Variants in SPTLC2 observed in about 807,000 individuals in gnomAD.
SPTLC2 encodes serine palmitoyltransferase long chain base subunit 2.
Under a neutral mutation model 62.0 loss-of-function variants are expected in SPTLC2, and 21 were observed. That is an observed-to-expected ratio of 0.34 (90% confidence interval 0.24 to 0.49). The LOEUF is 0.49. SPTLC2 is among the 20% of genes least tolerant of loss of function. The pLI is 0.99. For missense variants in SPTLC2, 511 were observed against 713.0 expected, an observed-to-expected ratio of 0.72 and a Z score of 3.23; for synonymous variants, 261 against 261.8, an observed-to-expected ratio of 1.00 and a Z score of 0.03.
chr14:77,582,038 C>CT (rs747555398), intron 2 of SPTLC2, among the ~76,000 whole-genome samples: 2 of 145,850 alleles, frequency 1.4e-5, no homozygotes, highest in Non-Finnish European at 3.0e-5. Flanking sequence ...TATCTCATTT[C>CT]TTTTTTTTAA....
intron 1 of SPTLC2, among the ~76,000 whole-genome samples, chr14:77,613,343 C>T (rs540985758): frequency 1.3e-5 from 2 of 152,328 alleles, no homozygotes; most frequent in African/African-American, 4.8e-5. Flanking sequence ...AAGTTTCCCT[C>T]GGGCAAATTG....
intron 4 of SPTLC2, among the ~76,000 whole-genome samples, chr14:77,570,929 T>G (rs1594996864): frequency 6.6e-6 from 1 of 151,762 alleles, no homozygotes; most frequent in African/African-American, 2.4e-5. Context: ...GATAAGAGAC[T>G]ATGGAAGGAG....
chr14:77,593,411 A>G (rs759691587), intron 2 of SPTLC2, among the ~76,000 whole-genome samples: 6 of 152,112 alleles, frequency 3.9e-5, no homozygotes, highest in Non-Finnish European at 5.9e-5. Context: ...GAACATCTTT[A>G]TTAATTCAAG....
intron 2 of SPTLC2, among the ~76,000 whole-genome samples, chr14:77,594,300 T>G (rs1039952358): frequency 1.3e-5 from 2 of 152,242 alleles, no homozygotes; most frequent in African/African-American, 4.8e-5. Flanking sequence ...ACACAAAGGA[T>G]ACACAGGCAG....
At chr14:77,590,427 T>C (rs958210266) in intron 2 of SPTLC2, among the ~76,000 whole-genome samples, 2 of 152,194 alleles carry the variant, frequency 1.3e-5, no homozygotes, top group African/African-American at 4.8e-5. Flanking sequence ...CAAAGTTTGC[T>C]AGTCCAGGCT....
chr14:77,508,759 T>A lies in SPTLC2; in HGVS notation c.*3525A>T, dbSNP rs1433861335. ...GTAATGAAGAAATTTGAAAAAAAATTTTTTTTAAAAGCCAAAGGAGCTAGC... is the reference window on the plus strand; with the variant it reads ...GTAATGAAGAAATTTGAAAAAAAATATTTTTTAAAAGCCAAAGGAGCTAGC... On this transcript the variant is annotated 3_prime_UTR_variant, in exon 12 of 12. Transcript: ENST00000216484. 2.0e-5 allele frequency: 3 copies of A among 152,066 alleles called. No individual in the cohort carries two copies. The highest frequency in any genetic ancestry group is 7.2e-5 in the African/African-American group (3 of 41,400). 9.4% of individuals were successfully genotyped at this position (152,066 alleles called of 1,614,324 possible).
intron 2 of SPTLC2, among the ~76,000 whole-genome samples, chr14:77,594,944 AG>A (rs1324649479): frequency 6.6e-6 from 1 of 152,226 alleles, no homozygotes; most frequent in African/African-American, 2.4e-5. Flanking sequence ...CCTGTGAACA[AG>A]TAACTACAAT....
At chr14:77,542,641 G>T (rs2079507480) in intron 9 of SPTLC2, among the ~76,000 whole-genome samples, 1 of 152,174 alleles carries the variant, frequency 6.6e-6, no homozygotes, top group Non-Finnish European at 1.5e-5. Context: ...GAACATCAAA[G>T]CAGACAGATC....
At chr14:77,578,912 C>A in intron 3 of SPTLC2, 43 bp downstream of exon 3, 1 of 1,606,538 alleles carries the variant, frequency 6.2e-7, no homozygotes, top group South Asian at 1.1e-5. Flanking sequence ...ATGAAGAAAC[C>A]CTTTTGTAAT....
intron 9 of SPTLC2, among the ~76,000 whole-genome samples, chr14:77,536,987 A>G (rs2079474594): frequency 6.6e-6 from 1 of 150,574 alleles, no homozygotes; most frequent in Non-Finnish European, 1.5e-5. Flanking sequence ...CAATGGTGCA[A>G]TCTTGGCTTA....
chr14:77,576,899 T>C lies in SPTLC2; in HGVS notation c.499A>G (p.Ile167Val), dbSNP rs767761435. 1.9e-6 allele frequency: 3 copies of C among 1,614,158 alleles called. No individual in the cohort carries two copies. Among genetic ancestry groups the C allele is most frequent in the Admixed American group, 1.7e-5 (1 of 60,012 alleles). Residue 167 changes from isoleucine to valine, a missense_variant, in exon 4 of 12, where the codon ATA becomes GTA. Ile to Val is a conservative substitution (Grantham distance 29, BLOSUM62 3). Transcript: ENST00000216484. ...NWSFKYTGNI[I>V]KGVINMGSYN... is the part of the protein sequence containing the mutation. ...GAACCCATGTTTATAACACCCTTTA[T>C]TATATTCCCTGTATACCTGTGCATC...
At chr14:77,552,557 G>A (rs112927563) in intron 8 of SPTLC2, among the ~76,000 whole-genome samples, 120 of 152,240 alleles carry the variant, frequency 7.9e-4, no homozygotes, top group Middle Eastern at 6.8e-3. Context: ...TGTAATCCCA[G>A]CAGTTTGGGA....
In SPTLC2 at chr14:77,507,609, G is replaced by GCC. The variant is rs77865245; in HGVS notation, c.*4674_*4675insGG. ...AGCCTCCCAAAGTGTTGGGATTACA[G>GCC]GTGAGCCACTGCGCCCAGCCATGGG... On this transcript the variant is annotated 3_prime_UTR_variant, in exon 12 of 12. Transcript: ENST00000216484. The GCC allele has an allele frequency of 2.5e-5, 1 of 40,308 alleles. No individual in the cohort carries two copies. Among genetic ancestry groups the GCC allele is most frequent in the Admixed American group, 3.9e-4 (1 of 2,560 alleles). The allele number at this position is 40,308 out of a possible 1,614,324, so 2.5% of individuals were successfully genotyped here.
At chr14:77,606,987 C>CA (rs763777208) in intron 1 of SPTLC2, among the ~76,000 whole-genome samples, 3,969 of 117,954 alleles carry the variant, frequency 0.034, 74 homozygotes, top group African/African-American at 0.063. Flanking sequence ...AGACCCATCT[C>CA]AAAAAAAAAA....
intron 2 of SPTLC2, among the ~76,000 whole-genome samples, chr14:77,596,616 A>G (rs887810658): frequency 7.2e-5 from 11 of 152,226 alleles, no homozygotes; most frequent in Admixed American, 2.0e-4. Context: ...CCATGCTCAT[A>G]TGTTTGCCAT....
chr14:77,535,750 C>T, intron 9 of SPTLC2: 1 of 325,276 alleles, frequency 3.1e-6, no homozygotes. Flanking sequence ...TTCAGCATTG[C>T]TTATTTAATT....
intron 1 of SPTLC2, among the ~76,000 whole-genome samples, 197 bp from the exon 2 acceptor site, chr14:77,597,577 C>T (rs1289543880): frequency 1.4e-5 from 2 of 143,698 alleles, no homozygotes; most frequent in Non-Finnish European, 3.0e-5. Context: ...GAGTTCAAGA[C>T]CAGCCTGGTC....
intron 9 of SPTLC2, among the ~76,000 whole-genome samples, chr14:77,526,183 C>G (rs1021170896): frequency 6.6e-6 from 1 of 152,226 alleles, no homozygotes; most frequent in African/African-American, 2.4e-5. Context: ...TAGTTACCCA[C>G]TTTGACTTGA....
At chr14:77,597,910 G>A (rs546111436) in intron 1 of SPTLC2, among the ~76,000 whole-genome samples, 1 of 151,598 alleles carries the variant, frequency 6.6e-6, no homozygotes, top group South Asian at 2.1e-4. Context: ...AATCACCTGA[G>A]GTTGGGAGTT....
Sources: allele counts gnomAD v4.1 joint callset (sites outside exome capture counted in the v4.1 genomes callset), GRCh38; gene constraint gnomAD v4.1.1; transcripts MANE v1.5; gene names NCBI Gene and HGNC (gene_info 2026-07-23, HGNC 2026-07-21).